The following NADSYN1 variants were observed in gnomAD, a reference collection of about 807,000 sequenced individuals.
NADSYN1 encodes NAD synthetase 1, also known as glutamine-dependent NAD(+) synthetase.
Under a neutral mutation model 99.3 loss-of-function variants are expected in NADSYN1, and 80 were observed. The ratio of observed to expected loss-of-function variants is 0.81; its 90% CI spans 0.67 to 0.97. The LOEUF (loss-of-function observed/expected upper bound fraction) is 0.97. Among genes scored for constraint, NADSYN1 ranks in the 50% least tolerant of loss-of-function variants. NADSYN1 has a pLI of 0.00. For missense variants in NADSYN1, 859 were observed against 948.5 expected, an observed-to-expected ratio of 0.91 and a Z score of 1.24; for synonymous variants, 385 against 372.1, an observed-to-expected ratio of 1.03 and a Z score of -0.40.
chr11:71,482,350 A>T (rs906575407), intron 13 of NADSYN1, among the ~76,000 whole-genome samples: 1 of 152,220 alleles, frequency 6.6e-6, no homozygotes, highest in Non-Finnish European at 1.5e-5. Flanking sequence ...AGTATCAGAC[A>T]TCACCTTAGC....
At chr11:71,498,264 A>G (rs1949833797) in intron 19 of NADSYN1, 88 bp from the exon 20 acceptor site, 1 of 1,468,988 alleles carries the variant, frequency 6.8e-7, no homozygotes, top group Non-Finnish European at 9.3e-7. Flanking sequence ...CCCATTAGTC[A>G]TTTGCTTGTA....
At chr11:71,464,893 AGAG>A (rs1202789685) in intron 5 of NADSYN1, among the ~76,000 whole-genome samples, 2 of 145,638 alleles carry the variant, frequency 1.4e-5, no homozygotes, top group African/African-American at 2.5e-5. Flanking sequence ...AAAAAAAAAA[AGAG>A]CGGGGTTTTT....
chr11:71,472,131 C>T (rs1949631043), intron 5 of NADSYN1, among the ~76,000 whole-genome samples: 1 of 152,178 alleles, frequency 6.6e-6, no homozygotes, highest in Non-Finnish European at 1.5e-5. Flanking sequence ...CTCCATGAGG[C>T]AACGTGGCCA....
At chr11:71,462,481 A>G (rs1949556896) in intron 3 of NADSYN1, among the ~76,000 whole-genome samples, 1 of 151,956 alleles carries the variant, frequency 6.6e-6, no homozygotes, top group Non-Finnish European at 1.5e-5. Context: ...CCCATCTTGT[A>G]TGTATTGAGT....
intron 4 of NADSYN1, among the ~76,000 whole-genome samples, chr11:71,463,836 C>T (rs1359122971): frequency 6.6e-6 from 1 of 152,228 alleles, no homozygotes; most frequent in Non-Finnish European, 1.5e-5. Flanking sequence ...CCTTCTGGGG[C>T]TTAGCTGCTT....
At chr11:71,466,734 G>A (rs1949593723) in intron 5 of NADSYN1, 2 of 152,386 alleles carry the variant, frequency 1.3e-5, no homozygotes, top group East Asian at 3.9e-4. Context: ...GGCAGTTCCA[G>A]AACCGGAATG....
In NADSYN1 at chr11:71,497,432, C is replaced by T. The variant is rs114738613; in HGVS notation, c.1765-51C>T. 978 of 1,610,964 alleles carry T rather than the reference C, an allele frequency of 6.1e-4. 5 individuals are homozygous for T. In the African/African-American group the frequency reaches 0.012, roughly 20 times the overall value. ...ATCTCCAAAAGAAGCTTTAGGCTCT[C>T]CCCCCGCTGTGACTTGCTGTCATCA... On this transcript the variant is annotated intron_variant, in intron 18 of 20. Transcript: ENST00000319023.
rs1340431273 is a variant in NADSYN1 at position 71,463,576 on chromosome 11, G to A, written c.317+91G>A. On this transcript the variant is annotated intron_variant, in intron 4 of 20. Transcript: ENST00000319023. ...GCCAGGACCCGTGCTGGTGCCCTGG[G>A]GACCCGTTGCTGGGAGGCTGCTTCT... 4 of 1,286,960 alleles carry A rather than the reference G, an allele frequency of 3.1e-6. No homozygotes were observed. In the East Asian group the frequency reaches 7.4e-5, roughly 24 times the overall value. 79.7% of individuals were successfully genotyped at this position (1,286,960 alleles called of 1,614,324 possible). A position where few individuals can be genotyped will look rare whatever the true frequency, so the allele number is the denominator to read the frequency against.
rs1591121107 is a variant in NADSYN1, at chr11:71,458,784, A to G, written c.263+240A>G. On this transcript the variant is annotated intron_variant, in intron 3 of 20. Coordinates refer to ENST00000319023, the MANE Select transcript of NADSYN1 (RefSeq NM_018161.5). ...TCAGTTCTTCCAGAAAGTCCTGTGC[A>G]CACATCAGCAGACTCTGCACAAAGG... is the stretch of plus-strand genomic sequence containing the variant. The G allele has an allele frequency of 1.4e-5, 7 of 482,794 alleles. No individual in the cohort carries two copies. In the East Asian group the frequency reaches 2.5e-4, roughly 17 times the overall value. The allele number at this position is 482,794 out of a possible 1,614,324, so 29.9% of individuals were successfully genotyped here.
Position 71,491,846 on chromosome 11 carries a change from G to T in NADSYN1, c.1707G>T (p.Ala569=), listed in dbSNP as rs182956982. 2.5e-6 allele frequency: 4 copies of T among 1,613,942 alleles called. No individual in the cohort carries two copies. Among genetic ancestry groups the T allele is most frequent in the Admixed American group, 3.3e-5 (2 of 60,012 alleles). Residue 569 remains alanine (A), a synonymous_variant, in exon 18 of 21, where the codon GCG becomes GCT. Coordinates refer to ENST00000319023, the MANE Select transcript of NADSYN1 (RefSeq NM_018161.5). The part of the protein sequence containing the change: ...QLPALQSILL[A]PATAELEPLA... ...GTTTTGGCTGCAGCATCCTGTTGGC[G>T]CCGGCCACCGCAGAGCTGGAGCCCT...
intron 2 of NADSYN1, 60 bp downstream of exon 2, chr11:71,455,230 C>T: frequency 6.9e-7 from 1 of 1,449,944 alleles, no homozygotes; most frequent in Non-Finnish European, 9.7e-7. Flanking sequence ...TCAGTTTTCC[C>T]CAGCTGAGAA....
Position 71,474,488 on chromosome 11 carries a change from G to C in NADSYN1, c.760G>C (p.Val254Leu). Residue 254 changes from valine (V) to leucine (L), a missense_variant, in exon 9 of 21, where the codon GTC becomes CTC. By Grantham distance (32) the Val-to-Leu change is conservative (BLOSUM62 1). Transcript: ENST00000319023. The stretch of plus-strand genomic sequence containing the variant: ...TGCCATGATTGCCATGAACGGAAGC[G>C]TCTTTGCTCAAGGATCCCAGTTTTC... The part of the protein sequence containing the change: ...GCAMIAMNGS[V>L]FAQGSQFSLD... 6.2e-7 allele frequency: 1 copy of C among 1,614,214 alleles called. No homozygotes were observed. The highest frequency in any genetic ancestry group is 1.1e-5 in the South Asian group (1 of 91,082).
rs774906272 is a variant in NADSYN1 at position 71,472,468 on chromosome 11, C to T, written c.427C>T (p.Leu143=). The T allele has an allele frequency of 6.2e-7, 1 of 1,613,782 alleles. No homozygotes were observed. Among genetic ancestry groups the T allele is most frequent in the South Asian group, 1.1e-5 (1 of 91,076 alleles). The change falls in exon 6 of 21, where the codon CTG becomes TTG. Residue 143 remains leucine, a synonymous_variant. Transcript: ENST00000319023. ...CTCCAGGCACACAGAGGAGTACTTT[C>T]TGCCTCGGATGATACAGGACCTGAC... ...SRSRHTEEYF[L]PRMIQDLTKQ... is the part of the protein sequence containing the mutation.
At chr11:71,478,260 C>A in intron 9 of NADSYN1, 135 bp from the exon 10 acceptor site, 1 of 715,754 alleles carries the variant, frequency 1.4e-6, no homozygotes. Flanking sequence ...TCTGCCCCAT[C>A]CCTGGGCCTC....
At chr11:71,499,224 G>C (rs1949841607) in intron 20 of NADSYN1, 1 of 152,264 alleles carries the variant, frequency 6.6e-6, no homozygotes. Context: ...CAGCTGTGCT[G>C]TTGGGAATGG....
At chr11:71,484,938 T>C in intron 15 of NADSYN1, 1 of 182,310 alleles carries the variant, frequency 5.5e-6, no homozygotes, top group East Asian at 1.4e-4. Flanking sequence ...TGTGCATGAG[T>C]GCGTCTGCAT....
At chr11:71,466,686 C>T (rs1447231731) in intron 5 of NADSYN1, 1 of 152,296 alleles carries the variant, frequency 6.6e-6, no homozygotes, top group African/African-American at 2.4e-5. Flanking sequence ...TCTTGTCTGC[C>T]ACTCACTCCT....
intron 19 of NADSYN1, 73 bp from the exon 20 acceptor site, chr11:71,498,279 C>G: frequency 6.5e-7 from 1 of 1,545,228 alleles, no homozygotes; most frequent in African/African-American, 1.4e-5. Flanking sequence ...CTTGTATGAT[C>G]CAGCATGGGA....
At chr11:71,492,854 A>G (rs906848016) in intron 18 of NADSYN1, among the ~76,000 whole-genome samples, 4 of 151,806 alleles carry the variant, frequency 2.6e-5, no homozygotes, top group Admixed American at 2.6e-4. Flanking sequence ...AACATGGGAC[A>G]TGGAATGTCT....
Sources: allele counts gnomAD v4.1 joint callset (sites outside exome capture counted in the v4.1 genomes callset), GRCh38; gene constraint gnomAD v4.1.1; transcripts MANE v1.5; gene names NCBI Gene and HGNC (gene_info 2026-07-23, HGNC 2026-07-21).